TLK1: variants seen among roughly 807,000 people sequenced by gnomAD.
TLK1 encodes the protein serine/threonine-protein kinase tousled-like 1.
TLK1 carries 24 observed loss-of-function variants against 105.3 expected under a neutral mutation model. The ratio of observed to expected loss-of-function variants is 0.23; its 90% CI spans 0.17 to 0.32. The LOEUF is 0.32. Among genes scored for constraint, TLK1 ranks in the 10% least tolerant of loss-of-function variants. The pLI, the probability that TLK1 is intolerant of heterozygous loss-of-function variation, is 1.00. For missense variants in TLK1, 558 were observed against 910.5 expected, an observed-to-expected ratio of 0.61 and a Z score of 4.98; for synonymous variants, 321 against 310.4, an observed-to-expected ratio of 1.03 and a Z score of -0.36.
chr2:171,179,451 A>T (rs1184886171), intron 1 of TLK1, among the ~76,000 whole-genome samples: 1 of 152,156 alleles, frequency 6.6e-6, no homozygotes. Context: ...TCCTCTAGAG[A>T]GCTTTCAGAG....
chr2:171,167,304 T>C (rs1692627274), intron 1 of TLK1, among the ~76,000 whole-genome samples: 1 of 152,220 alleles, frequency 6.6e-6, no homozygotes, highest in Non-Finnish European at 1.5e-5. Context: ...TGAATTGAAA[T>C]GTCAACAAGG....
chr2:171,101,896 C>T (rs1020451840), intron 2 of TLK1, among the ~76,000 whole-genome samples: 1 of 152,136 alleles, frequency 6.6e-6, no homozygotes, highest in Non-Finnish European at 1.5e-5. Context: ...ATAATTTCTC[C>T]TTCCCACATC....
rs756862286 is a variant in TLK1 at position 171,067,677 on chromosome 2, T to C, written c.331-6521A>G. 4.1e-4 allele frequency among the ~76,000 whole-genome samples: 63 copies of C among 152,246 alleles called. No individual in the cohort carries two copies. In the Middle Eastern group the frequency reaches 0.014, roughly 33 times the overall value. ...GTGCAGAACGTACAAGTTTGTTACA[T>C]AGGTATACACGTGCCAAGGTGGTTT... On this transcript the variant is annotated intron_variant, in intron 3 of 20. Coordinates refer to ENST00000431350, the MANE Select transcript of TLK1 (RefSeq NM_012290.5).
At chr2:171,187,154 G>A (rs554857880) in intron 1 of TLK1, among the ~76,000 whole-genome samples, 3 of 149,928 alleles carry the variant, frequency 2.0e-5, no homozygotes, top group Non-Finnish European at 4.4e-5. Flanking sequence ...TTTTTGGTTG[G>A]TCCAGGTAAG....
chr2:171,103,264 T>TTATATATATATATATATA lies in TLK1; in HGVS notation c.258+14457_258+14474dup, dbSNP rs571890429. Among the ~76,000 whole-genome samples the TTATATATATATATATATA allele has an allele frequency of 2.7e-3, 362 of 136,478 alleles. 9 individuals are homozygous for TTATATATATATATATATA. The highest frequency in any genetic ancestry group is 7.5e-3 in the African/African-American group (245 of 32,524). The allele number at this position is 136,478 out of a possible 152,430, so 89.5% of individuals were successfully genotyped here. A position where few individuals can be genotyped will look rare whatever the true frequency, so the allele number is the denominator to read the frequency against. On this transcript the variant is annotated intron_variant, in intron 2 of 20. Transcript: ENST00000431350. Reference sequence around the variant, plus strand: ...GTTAAGAAAAAAATTGATCTCAAATTTATATATATATATATATAATTTTTT... The same window carrying TTATATATATATATATATA: ...GTTAAGAAAAAAATTGATCTCAAATTTATATATATATATATATATATATATATATATATATAATTTTTT...
intron 1 of TLK1, among the ~76,000 whole-genome samples, chr2:171,146,153 TATACTC>T (rs1447941000): frequency 4.6e-5 from 7 of 152,308 alleles, no homozygotes; most frequent in African/African-American, 7.2e-5. Flanking sequence ...TTTAAAGACT[TATACTC>T]ATTAAAGTAT....
At chr2:171,054,507 T>A (rs1027684445) in intron 7 of TLK1, 5 of 152,366 alleles carry the variant, frequency 3.3e-5, no homozygotes, top group African/African-American at 9.7e-5. Flanking sequence ...TTTTGATACA[T>A]GCACAACAGT....
intron 1 of TLK1, among the ~76,000 whole-genome samples, chr2:171,147,468 C>T (rs1691835897): frequency 6.6e-6 from 1 of 152,210 alleles, no homozygotes; most frequent in South Asian, 2.1e-4. Context: ...CTTTCAACTT[C>T]TGGGCTCAAA....
rs977165441 is a variant in TLK1, at chr2:171,109,681, T to C, written c.258+8058A>G. 8.5e-5 allele frequency among the ~76,000 whole-genome samples: 13 copies of C among 152,306 alleles called. 1 individual carries two copies. The highest frequency in any genetic ancestry group is 3.4e-3 in the Middle Eastern group (1 of 294). The stretch of plus-strand genomic sequence containing the variant: ...AAATTAAAACATGTTACCAAAACAT[T>C]TGTACCAAAATGTTTATTGTAACCT... On this transcript the variant is annotated intron_variant, in intron 2 of 20. Coordinates refer to ENST00000431350, the MANE Select transcript of TLK1 (RefSeq NM_012290.5).
At chr2:171,111,719 G>A (rs1690179689) in intron 2 of TLK1, among the ~76,000 whole-genome samples, 1 of 152,064 alleles carries the variant, frequency 6.6e-6, no homozygotes, top group African/African-American at 2.4e-5. Flanking sequence ...TAGTGAAAGG[G>A]GCCCAGTTCA....
At chr2:171,161,281 C>T (rs1454822022), upstream of TLK1, among the ~76,000 whole-genome samples, 2 of 151,860 alleles carry the variant, frequency 1.3e-5, no homozygotes, top group Non-Finnish European at 2.9e-5. Context: ...TCTCCTGACC[C>T]ACACCCAACA....
chr2:171,144,270 C>T (rs1691706121), intron 1 of TLK1, among the ~76,000 whole-genome samples: 1 of 150,250 alleles, frequency 6.7e-6, no homozygotes, highest in Non-Finnish European at 1.5e-5. Context: ...ATGAATAGAA[C>T]TAGGCAGAAG....
Position 170,991,526 on chromosome 2 carries a change from C to T in TLK1, c.*2254G>A, listed in dbSNP as rs962922298. 5.9e-5 allele frequency: 9 copies of T among 152,192 alleles called. No homozygotes were observed. Among genetic ancestry groups the T allele is most frequent in the African/African-American group, 2.2e-4 (9 of 41,460 alleles). The allele number at this position is 152,192 out of a possible 1,614,324, so 9.4% of individuals were successfully genotyped here. ...ATAAGTTGATTCATCTCCTACACAT[C>T]TTTGATTTTAAAATGATGACCTAAA... On this transcript the variant is annotated 3_prime_UTR_variant, in exon 21 of 21. Transcript: ENST00000431350.
At chr2:171,212,785 AG>A (rs1372349259) in intron 1 of TLK1, among the ~76,000 whole-genome samples, 1 of 152,206 alleles carries the variant, frequency 6.6e-6, no homozygotes, top group African/African-American at 2.4e-5. Flanking sequence ...CCTGTTAATC[AG>A]GGGTCTTTAG....
intron 2 of TLK1, among the ~76,000 whole-genome samples, chr2:171,086,046 C>G (rs1451392877): frequency 5.3e-5 from 8 of 152,046 alleles, no homozygotes; most frequent in Admixed American, 4.6e-4. Flanking sequence ...TGCTTCGTAT[C>G]TTCGAATTTC....
chr2:171,034,840 G>A (rs1385201875), intron 11 of TLK1, among the ~76,000 whole-genome samples: 1 of 152,160 alleles, frequency 6.6e-6, no homozygotes, highest in Non-Finnish European at 1.5e-5. Flanking sequence ...CGTTCACAAT[G>A]TAATAGAAAT....
intron 1 of TLK1, among the ~76,000 whole-genome samples, chr2:171,195,501 C>CA (rs55835853): frequency 0.13 from 8,600 of 66,036 alleles, 555 homozygotes; most frequent in African/African-American, 0.18. Flanking sequence ...GACTCTGTCT[C>CA]AAAAAAAAAA....
chr2:171,176,476 GT>G (rs1296531463), intron 1 of TLK1, among the ~76,000 whole-genome samples: 1 of 152,062 alleles, frequency 6.6e-6, no homozygotes, highest in African/African-American at 2.4e-5. Flanking sequence ...TCTTTCCCCA[GT>G]TTTCCCATCT....
At chr2:171,091,347 A>T (rs1262070195) in intron 2 of TLK1, among the ~76,000 whole-genome samples, 1 of 152,212 alleles carries the variant, frequency 6.6e-6, no homozygotes, top group African/African-American at 2.4e-5. Context: ...AACCAGACAT[A>T]ATCTAGTATA....
Sources: gnomAD v4.1 joint callset for allele counts (sites outside exome capture counted in the v4.1 genomes callset) on GRCh38, gnomAD v4.1.1 for gene constraint, MANE v1.5 for transcripts, NCBI Gene and HGNC (gene_info 2026-07-23, HGNC 2026-07-21) for gene names.